GSAP: variants seen among roughly 807,000 people sequenced by gnomAD.
GSAP encodes gamma-secretase-activating protein.
GSAP carries 118 observed loss-of-function variants against 131.7 expected under a neutral mutation model. The ratio of observed to expected loss-of-function variants is 0.90; its 90% CI spans 0.77 to 1.04. GSAP has a LOEUF of 1.04. Among genes scored for constraint, GSAP ranks in the 50% least tolerant of loss-of-function variants. The pLI is 0.00. For missense variants in GSAP, 1,019 were observed against 1,013.2 expected, an observed-to-expected ratio of 1.01 and a Z score of -0.08; for synonymous variants, 381 against 363.4, an observed-to-expected ratio of 1.05 and a Z score of -0.55.
At chr7:77,336,524 C>T (rs371069942) in intron 19 of GSAP, among the ~76,000 whole-genome samples, 2 of 152,052 alleles carry the variant, frequency 1.3e-5, no homozygotes, top group African/African-American at 4.8e-5. Context: ...CTCCCTCTGT[C>T]GCCCAGGCTG....
At chr7:77,374,981 A>T (rs981195540) in intron 11 of GSAP, 77 bp downstream of exon 11, 2 of 711,042 alleles carry the variant, frequency 2.8e-6, no homozygotes, top group African/African-American at 3.7e-5. Flanking sequence ...TATCTGCATA[A>T]TATAATGTAC....
chr7:77,338,191 A>T (rs1042902532), intron 19 of GSAP, among the ~76,000 whole-genome samples: 2 of 152,102 alleles, frequency 1.3e-5, no homozygotes, highest in African/African-American at 4.8e-5. Flanking sequence ...AAAATTTTTT[A>T]AAAATAACCA....
intron 1 of GSAP, among the ~76,000 whole-genome samples, chr7:77,407,699 T>C (rs938073189): frequency 1.3e-5 from 2 of 152,206 alleles, no homozygotes; most frequent in Non-Finnish European, 2.9e-5. Context: ...AATGGGAGTA[T>C]AAATTGGAAA....
intron 19 of GSAP, among the ~76,000 whole-genome samples, chr7:77,334,580 TAAAAAAAAAAAAA>T (rs57442782): frequency 3.7e-5 from 3 of 81,924 alleles, no homozygotes; most frequent in African/African-American, 5.0e-5. Flanking sequence ...ACTTAAAATT[TAAAAAAAAAAAAA>T]AAAAAAAAAA....
chr7:77,365,684 C>T (rs924986248), intron 12 of GSAP, among the ~76,000 whole-genome samples: 2 of 152,074 alleles, frequency 1.3e-5, no homozygotes, highest in Admixed American at 6.6e-5. Context: ...AATCACGCTG[C>T]AATTGACATT....
In GSAP at chr7:77,387,343, A is replaced by G. The variant is rs761644968; in HGVS notation, c.456+17T>C. ...TTTTGATTAATGAGATAAGTGATAA[A>G]TGGCATGCTTACTTACCTGAACCCA... is the stretch of plus-strand genomic sequence containing the variant. On this transcript the variant is annotated intron_variant, in intron 6 of 30. Coordinates refer to ENST00000257626, the MANE Select transcript of GSAP (RefSeq NM_017439.4). 7.8e-6 allele frequency: 10 copies of G among 1,279,944 alleles called. No individual in the cohort carries two copies. Among genetic ancestry groups the G allele is most frequent in the Middle Eastern group, 1.8e-4 (1 of 5,418 alleles). The allele number at this position is 1,279,944 out of a possible 1,614,324, so 79.3% of individuals were successfully genotyped here.
intron 22 of GSAP, 142 bp downstream of exon 22, chr7:77,328,464 T>C: frequency 7.1e-7 from 1 of 1,405,054 alleles, no homozygotes; most frequent in Non-Finnish European, 9.3e-7. Flanking sequence ...GCGGCCACTC[T>C]AACAGCAAGA....
intron 14 of GSAP, among the ~76,000 whole-genome samples, chr7:77,357,376 G>A (rs1368491794): frequency 3.3e-5 from 5 of 152,180 alleles, no homozygotes; most frequent in African/African-American, 1.2e-4. Context: ...AGGATCTTGA[G>A]ATGGGGAGAC....
intron 3 of GSAP, among the ~76,000 whole-genome samples, chr7:77,402,380 C>CT (rs1554435049): frequency 3.3e-5 from 4 of 122,030 alleles, no homozygotes; most frequent in Admixed American, 2.6e-4. Context: ...CCCATCTCTA[C>CT]TAAAAAAAAA....
intron 22 of GSAP, chr7:77,328,329 G>A: frequency 1.7e-6 from 2 of 1,197,590 alleles, no homozygotes; most frequent in Admixed American, 4.3e-5. Flanking sequence ...CAGCCAGAGG[G>A]CAGCTCTGTA....
chr7:77,327,095 T>C (rs1292091393), intron 22 of GSAP: 4 of 152,296 alleles, frequency 2.6e-5, no homozygotes, highest in African/African-American at 9.6e-5. Context: ...CAATTTAACA[T>C]GTGAATCCAA....
chr7:77,355,686 A>G (rs1793583251), intron 14 of GSAP, 39 bp from the exon 15 acceptor site: 4 of 1,098,712 alleles, frequency 3.6e-6, no homozygotes, highest in Admixed American at 3.4e-5. Flanking sequence ...ACATGTGGTA[A>G]AAGCTGCACA....
intron 3 of GSAP, among the ~76,000 whole-genome samples, chr7:77,401,571 T>G (rs74967067): frequency 6.6e-6 from 1 of 152,158 alleles, no homozygotes; most frequent in African/African-American, 2.4e-5. Context: ...GTCATCGGCA[T>G]AGCTACCCTA....
chr7:77,397,026 A>G lies in GSAP; in HGVS notation c.323T>C (p.Leu108Ser). Residue 108 changes from leucine to serine, a missense_variant, in exon 5 of 31, where the codon TTA becomes TCA. Leu to Ser is a moderately radical substitution (Grantham distance 145, BLOSUM62 -2). Coordinates refer to ENST00000257626, the MANE Select transcript of GSAP (RefSeq NM_017439.4). Reference protein sequence around the residue: ...NSERTLLAASLVQSTKEGKRN... With the variant: ...NSERTLLAASSVQSTKEGKRN... Reference sequence around the variant, plus strand: ...TTTTCCTTCTTTAGTAGACTGAACTAAACTTGCAGCTAATGGAAAAAGAAA... The same window carrying G: ...TTTTCCTTCTTTAGTAGACTGAACTGAACTTGCAGCTAATGGAAAAAGAAA... 6.3e-7 allele frequency: 1 copy of G among 1,597,910 alleles called. No homozygotes were observed. The highest frequency in any genetic ancestry group is 8.6e-7 in the Non-Finnish European group (1 of 1,168,922).
At chr7:77,396,868 G>A (rs1800482568) in intron 5 of GSAP, 114 bp downstream of exon 5, 2 of 575,332 alleles carry the variant, frequency 3.5e-6, no homozygotes, top group South Asian at 6.2e-5. Context: ...CTTTTATTCT[G>A]AGATACGATA....
intron 19 of GSAP, among the ~76,000 whole-genome samples, chr7:77,345,841 A>G (rs1791721082): frequency 6.6e-6 from 1 of 152,096 alleles, no homozygotes; most frequent in Non-Finnish European, 1.5e-5. Flanking sequence ...TGCTCACACA[A>G]AGCCTGTTTG....
intron 19 of GSAP, among the ~76,000 whole-genome samples, chr7:77,333,880 G>A (rs566447009): frequency 1.3e-5 from 2 of 152,202 alleles, no homozygotes; most frequent in Non-Finnish European, 2.9e-5. Context: ...ACACACCATC[G>A]CACCACTATG....
chr7:77,414,994 A>G (rs1243522212), intron 1 of GSAP, among the ~76,000 whole-genome samples: 3 of 151,892 alleles, frequency 2.0e-5, no homozygotes, highest in South Asian at 2.1e-4. Context: ...AGTAGCTGGG[A>G]TTACAGGAGC....
rs140263590 is a variant in GSAP, at chr7:77,340,137, G to C, written c.1545+9214C>G. On this transcript the variant is annotated intron_variant, in intron 19 of 30. Coordinates refer to ENST00000257626, the MANE Select transcript of GSAP (RefSeq NM_017439.4). Reference sequence around the variant, plus strand: ...TAACCTTGTGAAATTCTTTCTCCTGGCTCAGAAGCTCCCCGACTGAGCACC... The same window carrying C: ...TAACCTTGTGAAATTCTTTCTCCTGCCTCAGAAGCTCCCCGACTGAGCACC... 3.5e-4 allele frequency among the ~76,000 whole-genome samples: 53 copies of C among 152,184 alleles called. 1 individual carries two copies. The highest frequency in any genetic ancestry group is 1.1e-3 in the African/African-American group (46 of 41,528).
Sources: allele counts gnomAD v4.1 joint callset (sites outside exome capture counted in the v4.1 genomes callset), GRCh38; gene constraint gnomAD v4.1.1; transcripts MANE v1.5; gene names NCBI Gene and HGNC (gene_info 2026-07-23, HGNC 2026-07-21).